The following DENND1A variants were observed in gnomAD, a reference collection of about 807,000 sequenced individuals.
The protein encoded by DENND1A is DENN domain containing 1A.
DENND1A carries 51 observed loss-of-function variants against 113.7 expected under a neutral mutation model. The observed-to-expected ratio is 0.45, with a 90% confidence interval of 0.36 to 0.57. The LOEUF is 0.57. Ranked by LOEUF, DENND1A falls within the 20% of genes least tolerant of loss-of-function variation. DENND1A has a pLI of 0.00. For missense variants in DENND1A, 1,258 were observed against 1,395.9 expected (o/e 0.90, Z 1.57); for synonymous variants, 565 against 570.8 (o/e 0.99, Z 0.14).
At chr9:123,775,191 T>C (rs1564245590) in intron 3 of DENND1A, among the ~76,000 whole-genome samples, 1 of 152,184 alleles carries the variant, frequency 6.6e-6, no homozygotes, top group Non-Finnish European at 1.5e-5. Context: ...GCCAATAAAA[T>C]TCTTCACACA....
intron 2 of DENND1A, among the ~76,000 whole-genome samples, chr9:123,841,496 A>C (rs7048787): frequency 0.067 from 10,147 of 152,250 alleles, 464 homozygotes; most frequent in African/African-American, 0.13. Context: ...ACAGTGGTGA[A>C]GAAAATACTG....
At chr9:123,482,086 G>A (rs910174598) in intron 13 of DENND1A, among the ~76,000 whole-genome samples, 5 of 149,806 alleles carry the variant, frequency 3.3e-5, no homozygotes. Flanking sequence ...TTACAGGCAT[G>A]AGTGGCAGTG....
intron 5 of DENND1A, among the ~76,000 whole-genome samples, chr9:123,739,057 C>A (rs979220306): frequency 6.6e-6 from 1 of 152,252 alleles, no homozygotes. Flanking sequence ...TCATAGGGAT[C>A]TAGAATTTTT....
At position 123,411,793 on chromosome 9, in the gene DENND1A, T is replaced by A; in HGVS notation, c.1525A>T (p.Ile509Leu). 1.0e-6 allele frequency: 1 copy of A among 985,866 alleles called. No individual in the cohort carries two copies. The highest frequency in any genetic ancestry group is 1.7e-5 in the African/African-American group (1 of 57,302). 61.1% of individuals were successfully genotyped at this position (985,866 alleles called of 1,614,324 possible). A position where few individuals can be genotyped will look rare whatever the true frequency, so the allele number is the denominator to read the frequency against. Residue 509 changes from isoleucine to leucine, a missense_variant, in exon 20 of 24, where the codon ATA becomes TTA. Ile to Leu is a conservative substitution (Grantham distance 5, BLOSUM62 2). Around this residue, in one of 2 missense-constraint regions of DENND1A, gnomAD observed 1,159 missense variants for 1,231.7 expected, o/e 0.94. Coordinates refer to ENST00000394215, the MANE Select transcript of DENND1A (RefSeq NM_001352964.2). Reference protein sequence around the residue: ...RLRPTRPPPKIQRSRPVRPPR... With the variant: ...RLRPTRPPPKLQRSRPVRPPR... ...CTACTCACGGGCCTCGAGCGCTGTA[T>A]CTTGGGAGGCGGTCGGGTGGGACGC...
chr9:123,607,488 G>GACACACACACACAC (rs10557656), intron 11 of DENND1A, among the ~76,000 whole-genome samples: 1 of 70,992 alleles, frequency 1.4e-5, no homozygotes, highest in African/African-American at 6.1e-5. Context: ...CAGAGAGAGA[G>GACACACACACACAC]ACACACACAC....
Position 123,381,618 on chromosome 9 carries a change from C to T in DENND1A, c.3027G>A (p.Pro1009=), listed in dbSNP as rs762174811. 1.9e-5 allele frequency: 31 copies of T among 1,612,384 alleles called. No individual in the cohort carries two copies. Among genetic ancestry groups the T allele is most frequent in the Non-Finnish European group, 2.5e-5 (29 of 1,179,658 alleles). Residue 1009 remains proline (P), a synonymous_variant, in exon 24 of 24, where the codon CCG becomes CCA. Transcript: ENST00000394215. This position sits in a 1 kb window ranked among gnomAD's most constrained non-coding sequence, Gnocchi z 4.7. ...CTTGAGGGGGCCTGGGAGGCAGAAG[C>T]GGGGGGTCTCCAGGCCTCAGGGCCA... is the stretch of plus-strand genomic sequence containing the variant. The part of the protein sequence containing the change: ...QGLALRPGDP[P]LLPPRPPQGL...
chr9:123,807,162 C>G (rs1171061690), intron 2 of DENND1A, among the ~76,000 whole-genome samples: 1 of 152,154 alleles, frequency 6.6e-6, no homozygotes, highest in Non-Finnish European at 1.5e-5. Flanking sequence ...AAATTTAACT[C>G]ATCAAAATAT....
Position 123,411,777 on chromosome 9 carries a change from G to T in DENND1A, c.1541C>A (p.Pro514His). ...RPPPKIQRSR[P>H]VRPPRPHVVK... ...AGGGCAGAACCACCAGCTACTCACGGGCCTCGAGCGCTGTATCTTGGGAGG... is the reference window on the plus strand; with the variant it reads ...AGGGCAGAACCACCAGCTACTCACGTGCCTCGAGCGCTGTATCTTGGGAGG... The change falls in exon 20 of 24, where the codon CCC becomes CAC. Residue 514 changes from proline to histidine, a missense_variant and splice_region_variant. This residue lies in a region of DENND1A where 1,159 missense variants were observed against 1,231.7 expected (regional missense o/e 0.94). Transcript: ENST00000394215. 1 of 985,960 alleles carries T rather than the reference G, an allele frequency of 1.0e-6. No homozygotes were observed. The highest frequency in any genetic ancestry group is 1.2e-6 in the Non-Finnish European group (1 of 830,058). The allele number at this position is 985,960 out of a possible 1,614,324, so 61.1% of individuals were successfully genotyped here.
intron 5 of DENND1A, among the ~76,000 whole-genome samples, chr9:123,691,516 T>C (rs1368854166): frequency 2.0e-5 from 3 of 150,248 alleles, no homozygotes; most frequent in Admixed American, 1.3e-4. Flanking sequence ...AGAGTAAGGG[T>C]AGAGCGGGGT....
chr9:123,518,100 G>A (rs1388178059), intron 13 of DENND1A, among the ~76,000 whole-genome samples: 1 of 152,164 alleles, frequency 6.6e-6, no homozygotes, highest in Non-Finnish European at 1.5e-5. Context: ...AAGTGACTGA[G>A]TAGCCCTGAG....
At chr9:123,469,475 C>G (rs1004073788) in intron 13 of DENND1A, among the ~76,000 whole-genome samples, 3 of 152,234 alleles carry the variant, frequency 2.0e-5, no homozygotes, top group Non-Finnish European at 2.9e-5. Context: ...CGTGTCGGCC[C>G]ACGCCTCGGC....
intron 5 of DENND1A, among the ~76,000 whole-genome samples, chr9:123,678,107 C>T (rs1406000799): frequency 6.6e-6 from 1 of 152,158 alleles, no homozygotes. Context: ...CTGCCCTGGT[C>T]ATGAGAATGC....
At chr9:123,433,938 T>A (rs927904403) in intron 19 of DENND1A, among the ~76,000 whole-genome samples, 1 of 152,214 alleles carries the variant, frequency 6.6e-6, no homozygotes, top group Non-Finnish European at 1.5e-5. Flanking sequence ...CGGGGACACC[T>A]ATGACTGACC....
chr9:123,654,500 GA>G (rs139017818), intron 8 of DENND1A, among the ~76,000 whole-genome samples: 1 of 150,906 alleles, frequency 6.6e-6, no homozygotes, highest in South Asian at 2.1e-4. Flanking sequence ...TTTGGTGGGA[GA>G]AAAAAAAATC....
chr9:123,835,403 G>A (rs1432149025), intron 2 of DENND1A, among the ~76,000 whole-genome samples: 1 of 152,046 alleles, frequency 6.6e-6, no homozygotes, highest in Non-Finnish European at 1.5e-5. Flanking sequence ...GATAAAAGGC[G>A]GCTTTCAACA....
At chr9:123,714,578 G>A (rs984407879) in intron 5 of DENND1A, among the ~76,000 whole-genome samples, 1 of 152,140 alleles carries the variant, frequency 6.6e-6, no homozygotes, top group Non-Finnish European at 1.5e-5. Context: ...CTCCAGCCTA[G>A]GGGACAGGGT....
chr9:123,445,608 T>C (rs1440648269), intron 18 of DENND1A, among the ~76,000 whole-genome samples: 4 of 152,206 alleles, frequency 2.6e-5, no homozygotes, highest in Non-Finnish European at 2.9e-5. Context: ...CAGTGGCTCA[T>C]GCCTGTAATC....
chr9:123,545,060 T>C (rs1004905153), intron 13 of DENND1A, among the ~76,000 whole-genome samples: 3 of 151,426 alleles, frequency 2.0e-5, no homozygotes, highest in Non-Finnish European at 4.4e-5. Context: ...ATCGCGCCAC[T>C]GTACTCCAGC....
chr9:123,561,918 CT>C (rs2057781438), intron 12 of DENND1A, among the ~76,000 whole-genome samples: 2 of 152,264 alleles, frequency 1.3e-5, no homozygotes, highest in South Asian at 2.1e-4. Flanking sequence ...CAGATATGCC[CT>C]GAATCCATCC....
Sources: allele counts gnomAD v4.1 joint callset (sites outside exome capture counted in the v4.1 genomes callset), GRCh38; gene constraint gnomAD v4.1.1; regional missense constraint gnomAD v4.1.1; non-coding constraint Gnocchi (gnomAD v3.1); transcripts MANE v1.5; gene names NCBI Gene and HGNC (gene_info 2026-07-23, HGNC 2026-07-21).